The following JAZF1 variants were observed in gnomAD, a reference collection of about 807,000 sequenced individuals.
The protein encoded by JAZF1 is juxtaposed with another zinc finger protein 1.
In JAZF1, 8 loss-of-function variants were observed where a neutral mutation model predicts 26.4. The observed-to-expected ratio is 0.30, with a 90% CI of 0.18 to 0.55. JAZF1 has a LOEUF of 0.55. Among genes scored for constraint, JAZF1 ranks in the 20% least tolerant of loss-of-function variants. JAZF1 has a pLI of 0.94. For synonymous variants in JAZF1, 126 were observed against 122.3 expected (o/e 1.03, Z -0.20); for missense variants, 199 against 322.0 (o/e 0.62, Z 2.92).
chr7:27,893,132 T>C (rs1295100924), intron 3 of JAZF1, among the ~76,000 whole-genome samples: 2 of 152,094 alleles, frequency 1.3e-5, no homozygotes, highest in African/African-American at 4.8e-5. Flanking sequence ...ATTTACTAAA[T>C]CCTCCCCTTG....
intron 1 of JAZF1, among the ~76,000 whole-genome samples, chr7:28,075,540 T>C (rs755692768): frequency 3.3e-5 from 5 of 152,344 alleles, no homozygotes; most frequent in East Asian, 3.9e-4. Flanking sequence ...CCAAACCTTC[T>C]CTGTCTACCT....
At chr7:28,125,163 T>G (rs1782675059) in intron 1 of JAZF1, among the ~76,000 whole-genome samples, 1 of 148,952 alleles carries the variant, frequency 6.7e-6, no homozygotes, top group Non-Finnish European at 1.5e-5. Flanking sequence ...TTTTTTTTTT[T>G]GTTAACCCAC....
chr7:27,944,055 C>CT (rs1784889841), intron 2 of JAZF1, among the ~76,000 whole-genome samples: 1 of 152,180 alleles, frequency 6.6e-6, no homozygotes, highest in African/African-American at 2.4e-5. Flanking sequence ...CTAAGTTTCA[C>CT]AGGAACTATG....
Position 28,031,711 on chromosome 7 carries a change from C to A in JAZF1, c.116-39730G>T, listed in dbSNP as rs1267678690. ...CACATGGATACAGAGAGGGGAACAA[C>A]ACACACTGGGGCCAGTCATGGGGGT... On this transcript the variant is annotated intron_variant, in intron 1 of 4. Coordinates refer to ENST00000283928, the MANE Select transcript of JAZF1 (RefSeq NM_175061.4). Among the ~76,000 whole-genome samples, 6 of 152,144 alleles carry A rather than the reference C, an allele frequency of 3.9e-5. No individual in the cohort carries two copies. The East Asian group carries it at 1.2e-3, about 29-fold the overall frequency.
intron 1 of JAZF1, among the ~76,000 whole-genome samples, chr7:28,131,651 T>C (rs1388247363): frequency 6.6e-6 from 1 of 152,186 alleles, no homozygotes; most frequent in Non-Finnish European, 1.5e-5. Flanking sequence ...ATGACCAAAA[T>C]AAGCACTTCT....
At chr7:27,897,662 T>C (rs917849785) in intron 2 of JAZF1, among the ~76,000 whole-genome samples, 2 of 152,208 alleles carry the variant, frequency 1.3e-5, no homozygotes, top group African/African-American at 4.8e-5. Context: ...AGCGTGGTGA[T>C]CTTGTAGCTG....
At chr7:27,975,293 CTG>C (rs1422500453) in intron 2 of JAZF1, among the ~76,000 whole-genome samples, 1 of 152,102 alleles carries the variant, frequency 6.6e-6, no homozygotes, top group African/African-American at 2.4e-5. Context: ...CAACCAGATC[CTG>C]TGAGAACTCA....
chr7:28,155,728 A>G (rs1426156060), intron 1 of JAZF1, among the ~76,000 whole-genome samples: 1 of 152,222 alleles, frequency 6.6e-6, no homozygotes, highest in East Asian at 1.9e-4. Context: ...AGAAGAGACC[A>G]AGAGAAACAA....
chr7:27,996,229 T>C (rs977261841), intron 1 of JAZF1, among the ~76,000 whole-genome samples: 4 of 152,170 alleles, frequency 2.6e-5, no homozygotes, highest in Non-Finnish European at 4.4e-5. Flanking sequence ...ACTTATAATG[T>C]AAGAAAGTCA....
At chr7:28,051,383 C>T (rs1479792728) in intron 1 of JAZF1, among the ~76,000 whole-genome samples, 2 of 151,800 alleles carry the variant, frequency 1.3e-5, no homozygotes, top group Non-Finnish European at 2.9e-5. Flanking sequence ...CCACGCCTGG[C>T]TAATTTTTTT....
intron 1 of JAZF1, among the ~76,000 whole-genome samples, chr7:28,123,128 GC>G (rs1782631920): frequency 6.6e-6 from 1 of 151,782 alleles, no homozygotes; most frequent in South Asian, 2.1e-4. Context: ...TAGCCACACT[GC>G]CCTTTTCTTC....
At chr7:28,068,499 T>A (rs1278377209) in intron 1 of JAZF1, among the ~76,000 whole-genome samples, 1 of 152,290 alleles carries the variant, frequency 6.6e-6, no homozygotes, top group Middle Eastern at 3.4e-3. Flanking sequence ...CCTGAAGACC[T>A]TGCAAATGAT....
At chr7:27,988,733 T>A (rs947050014) in intron 2 of JAZF1, among the ~76,000 whole-genome samples, 2 of 152,092 alleles carry the variant, frequency 1.3e-5, no homozygotes, top group South Asian at 4.1e-4. Flanking sequence ...GTTATTTTCA[T>A]TATACTGTTT....
intron 2 of JAZF1, among the ~76,000 whole-genome samples, chr7:27,987,416 C>T (rs190327707): frequency 0.071 from 10,712 of 151,842 alleles, 481 homozygotes; most frequent in African/African-American, 0.13. Flanking sequence ...CCCCTCCACC[C>T]GGCAGCCGCC....
chr7:27,874,269 G>A (rs1783634809), intron 3 of JAZF1, among the ~76,000 whole-genome samples: 1 of 152,240 alleles, frequency 6.6e-6, no homozygotes, highest in African/African-American at 2.4e-5. Flanking sequence ...TCCCCAGGGA[G>A]GGGGCAGAAG....
At chr7:28,018,957 G>C (rs1165981717) in intron 1 of JAZF1, among the ~76,000 whole-genome samples, 2 of 152,204 alleles carry the variant, frequency 1.3e-5, no homozygotes, top group African/African-American at 4.8e-5. Context: ...TCTGTGCAGA[G>C]ATCCTGAGAG....
At chr7:28,050,126 A>G (rs1184620513) in intron 1 of JAZF1, among the ~76,000 whole-genome samples, 1 of 152,168 alleles carries the variant, frequency 6.6e-6, no homozygotes, top group Non-Finnish European at 1.5e-5. Flanking sequence ...CATGAGATGG[A>G]GGAGCTCTGT....
At chr7:27,902,329 A>T (rs1784178988) in intron 2 of JAZF1, among the ~76,000 whole-genome samples, 1 of 152,232 alleles carries the variant, frequency 6.6e-6, no homozygotes, top group Non-Finnish European at 1.5e-5. Flanking sequence ...TTCACAAAAC[A>T]ATCTTTACTA....
intron 2 of JAZF1, among the ~76,000 whole-genome samples, chr7:27,988,098 A>G (rs1785771251): frequency 6.6e-6 from 1 of 151,942 alleles, no homozygotes; most frequent in South Asian, 2.1e-4. Flanking sequence ...ACCCTTGTTC[A>G]CATGTTTATC....
Sources: gnomAD v4.1 joint callset for allele counts (sites outside exome capture counted in the v4.1 genomes callset) on GRCh38, gnomAD v4.1.1 for gene constraint, MANE v1.5 for transcripts, NCBI Gene and HGNC (gene_info 2026-07-23, HGNC 2026-07-21) for gene names.